Variants in KLHL31 observed in about 807,000 individuals in gnomAD.
The protein encoded by KLHL31 is kelch-like protein 31.
Under a neutral mutation model 47.1 loss-of-function variants are expected in KLHL31, and 32 were observed. The ratio of observed to expected loss-of-function variants is 0.68; its 90% CI spans 0.51 to 0.91. The LOEUF is 0.91. KLHL31 is among the 40% of genes least tolerant of loss of function. The pLI is 0.00. For synonymous variants in KLHL31, 330 were observed against 325.1 expected, an observed-to-expected ratio of 1.01 and a Z score of -0.16; for missense variants, 797 against 819.3, an observed-to-expected ratio of 0.97 and a Z score of 0.33.
rs780082746 is a variant in KLHL31 at position 53,654,253 on chromosome 6, G to A, written c.1020C>T (p.Asp340=). 1 of 1,614,044 alleles carries A rather than the reference G, an allele frequency of 6.2e-7. No individual in the cohort carries two copies. The highest frequency in any genetic ancestry group is 1.3e-5 in the African/African-American group (1 of 74,924). The change falls in exon 2 of 3, where the codon GAC becomes GAT. Residue 340 remains aspartate (D), a synonymous_variant. Coordinates refer to ENST00000370905, the MANE Select transcript of KLHL31 (RefSeq NM_001003760.5). The part of the protein sequence containing the change: ...KSLSRDILYR[D]PENGWSKLTE... ...TAAGCTTGCTCCATCCATTTTCAGG[G>A]TCTCTATACAAGATGTCTCTGCTAA...
chr6:53,651,807 G>C lies in KLHL31; in HGVS notation c.1696C>G (p.Arg566Gly). 1.2e-6 allele frequency: 2 copies of C among 1,612,578 alleles called. No individual in the cohort carries two copies. Among genetic ancestry groups the C allele is most frequent in the Non-Finnish European group, 1.7e-6 (2 of 1,179,910 alleles). The part of the protein sequence containing the change: ...STAGVSALHG[R>G]AYLVGGWNEG... ...TTCCAGCCCCCCACCAGGTAGGCGC[G>C]GCCATGCAGCGCCGAGACGCCCGCA... The change falls in exon 3 of 3, where the codon CGC becomes GGC. Residue 566 changes from arginine to glycine, a missense_variant. Coordinates refer to ENST00000370905, the MANE Select transcript of KLHL31 (RefSeq NM_001003760.5).
In KLHL31 at chr6:53,654,864, A is replaced by C; in HGVS notation, c.409T>G (p.Leu137Val). ...YAYTGKLTLSLYTIGSIISAA... is the reference protein window; with the variant it reads ...YAYTGKLTLSVYTIGSIISAA... ...GAAATAATGCTTCCTATTGTATACA[A>C]GGAGAGAGTGAGCTTTCCAGTGTAG... The change falls in exon 2 of 3, where the codon TTG becomes GTG. Residue 137 changes from leucine (L) to valine (V), a missense_variant. Physicochemically the swap from Leu to Val is conservative, Grantham distance 32. Transcript: ENST00000370905. The C allele has an allele frequency of 6.2e-7, 1 of 1,614,210 alleles. No homozygotes were observed. The highest frequency in any genetic ancestry group is 8.5e-7 in the Non-Finnish European group (1 of 1,180,014).
intron 1 of KLHL31, among the ~76,000 whole-genome samples, chr6:53,660,109 C>T (rs971573811): frequency 1.3e-5 from 2 of 152,112 alleles, no homozygotes; most frequent in Admixed American, 6.5e-5. Context: ...CTCTTTTTCC[C>T]GGATATGCAT....
At chr6:53,659,789 A>T (rs180972727) in intron 1 of KLHL31, among the ~76,000 whole-genome samples, 1 of 152,326 alleles carries the variant, frequency 6.6e-6, no homozygotes, top group Admixed American at 6.5e-5. Context: ...AGGACTAAGA[A>T]ATCTCCAGGA....
intron 1 of KLHL31, 85 bp downstream of exon 1, chr6:53,665,516 C>T (rs1398897181): frequency 6.6e-6 from 1 of 152,486 alleles, no homozygotes; most frequent in South Asian, 2.1e-4. Context: ...CACAAACACT[C>T]AGCCCACCCT....
rs765240593 is a variant in KLHL31 at position 53,655,282 on chromosome 6, T to C, written c.-10A>G. On this transcript the variant is annotated 5_prime_UTR_variant, in exon 2 of 3. Transcript: ENST00000370905. ...TCTTTTTGGGTGCCATGTTGGCAAA[T>C]ACACTGTTACAGGCAAGAGCTTGCT... 2 of 1,530,802 alleles carry C rather than the reference T, an allele frequency of 1.3e-6. No individual in the cohort carries two copies. Among genetic ancestry groups the C allele is most frequent in the East Asian group, 2.3e-5 (1 of 44,188 alleles). The allele number at this position is 1,530,802 out of a possible 1,614,324, so 94.8% of individuals were successfully genotyped here.
chr6:53,660,936 G>C (rs1286895397), intron 1 of KLHL31, among the ~76,000 whole-genome samples: 2 of 152,096 alleles, frequency 1.3e-5, no homozygotes, highest in African/African-American at 4.8e-5. Flanking sequence ...TCTCATTGCC[G>C]GGTCTGCAAC....
chr6:53,657,345 C>G (rs1764576874), intron 1 of KLHL31, among the ~76,000 whole-genome samples: 1 of 152,172 alleles, frequency 6.6e-6, no homozygotes, highest in African/African-American at 2.4e-5. Flanking sequence ...TCAATCAGCT[C>G]TTGTGAGCCA....
At chr6:53,665,232 C>A (rs1764702256) in intron 1 of KLHL31, among the ~76,000 whole-genome samples, 1 of 152,076 alleles carries the variant, frequency 6.6e-6, no homozygotes, top group Non-Finnish European at 1.5e-5. Flanking sequence ...ACTTTGTGAA[C>A]AAAGCCTAAG....
At chr6:53,653,548 T>C (rs1764507191) in intron 2 of KLHL31, among the ~76,000 whole-genome samples, 1 of 152,260 alleles carries the variant, frequency 6.6e-6, no homozygotes, top group Admixed American at 6.5e-5. Flanking sequence ...TCTGTATGTA[T>C]CAAAAATACT....
At position 53,651,044 on chromosome 6, in the gene KLHL31, C is replaced by G. The variant is rs567645489; in HGVS notation, c.*554G>C. 6.6e-6 allele frequency: 1 copy of G among 152,250 alleles called. No homozygotes were observed. Among genetic ancestry groups the G allele is most frequent in the East Asian group, 1.9e-4 (1 of 5,188 alleles). The allele number at this position is 152,250 out of a possible 1,614,324, so 9.4% of individuals were successfully genotyped here. ...TATTACGTTGTCATGGGATATCTTT[C>G]AAAATCCTTTACTCAATCACATATG... On this transcript the variant is annotated 3_prime_UTR_variant, in exon 3 of 3. Transcript: ENST00000370905.
Position 53,654,110 on chromosome 6 carries a change from T to C in KLHL31, c.1163A>G (p.Asn388Ser), listed in dbSNP as rs548418407. ...ARNQAKHAVS[N>S]FCRYDPRFNT... ...ATAAAAGATCAAGTACCTGCAGAAA[T>C]TGCTGACTGCATGCTTGGCTTGATT... is the stretch of plus-strand genomic sequence containing the variant. The change falls in exon 2 of 3, where the codon AAT becomes AGT. Residue 388 changes from asparagine to serine, a missense_variant. Physicochemically the swap from Asn to Ser is conservative, Grantham distance 46 (BLOSUM62 1). Transcript: ENST00000370905. 16 of 1,599,736 alleles carry C rather than the reference T, an allele frequency of 1.0e-5. No individual in the cohort carries two copies. In the South Asian group the frequency reaches 1.8e-4, roughly 18 times the overall value.
chr6:53,652,193 T>G lies in KLHL31; in HGVS notation c.1310A>C (p.Glu437Ala), dbSNP rs1764484878. 1 of 1,611,822 alleles carries G rather than the reference T, an allele frequency of 6.2e-7. No individual in the cohort carries two copies. Among genetic ancestry groups the G allele is most frequent in the Non-Finnish European group, 8.5e-7 (1 of 1,179,974 alleles). ...CTGATTGGTGGAGGGCACGTAGCAC[T>G]CCAGCGAGGCCAGGCTTCCTTCTGC... ...RNAEGSLASL[E>A]CYVPSTNQWQ... The change falls in exon 3 of 3, where the codon GAG becomes GCG. Residue 437 changes from glutamate to alanine, a missense_variant. Coordinates refer to ENST00000370905, the MANE Select transcript of KLHL31 (RefSeq NM_001003760.5).
chr6:53,661,129 A>G (rs967615275), intron 1 of KLHL31, among the ~76,000 whole-genome samples: 13 of 152,194 alleles, frequency 8.5e-5, no homozygotes, highest in African/African-American at 3.1e-4. Context: ...CCTATGTCCT[A>G]ATAAATGCTC....
At chr6:53,656,265 T>C (rs915558717) in intron 1 of KLHL31, among the ~76,000 whole-genome samples, 1 of 152,232 alleles carries the variant, frequency 6.6e-6, no homozygotes, top group African/African-American at 2.4e-5. Context: ...AAGATATTTT[T>C]TCTTTTTGGA....
In KLHL31 at chr6:53,654,280, G is replaced by A. The variant is rs138040011; in HGVS notation, c.993C>T (p.Ser331=). The change falls in exon 2 of 3, where the codon TCC becomes TCT. Residue 331 remains serine (S), a synonymous_variant. Transcript: ENST00000370905. ...CTCTATACAAGATGTCTCTGCTAAG[G>A]GACTTCTCAGTAAGGCCTGGGCGTC... ...VGGRPGLTEK[S]LSRDILYRDP... 6.2e-6 allele frequency: 10 copies of A among 1,614,058 alleles called. No homozygotes were observed. In the South Asian group the frequency reaches 9.9e-5, roughly 16 times the overall value.
chr6:53,651,440 A>C lies in KLHL31; in HGVS notation c.*158T>G. 2 of 339,932 alleles carry C rather than the reference A, an allele frequency of 5.9e-6. No individual in the cohort carries two copies. Among genetic ancestry groups the C allele is most frequent in the African/African-American group, 2.2e-5 (1 of 46,392 alleles). 21.1% of individuals were successfully genotyped at this position (339,932 alleles called of 1,614,324 possible). A position where few individuals can be genotyped will look rare whatever the true frequency, so the allele number is the denominator to read the frequency against. On this transcript the variant is annotated 3_prime_UTR_variant, in exon 3 of 3. Coordinates refer to ENST00000370905, the MANE Select transcript of KLHL31 (RefSeq NM_001003760.5). Reference sequence around the variant, plus strand: ...AAAAAGAGGTAGATTATGCCATACCAGGAATTTAAAGCCATCAGGACATGT... The same window carrying C: ...AAAAAGAGGTAGATTATGCCATACCCGGAATTTAAAGCCATCAGGACATGT...
intron 1 of KLHL31, among the ~76,000 whole-genome samples, chr6:53,665,167 T>C (rs1764701320): frequency 6.6e-6 from 1 of 152,034 alleles, no homozygotes; most frequent in Admixed American, 6.6e-5. Flanking sequence ...TCATCCAAAC[T>C]GATCAGTAAC....
Position 53,651,413 on chromosome 6 carries a change from A to AAAAAAAAAAAAAAAT in KLHL31, c.*184_*185insATTTTTTTTTTTTTT. On this transcript the variant is annotated 3_prime_UTR_variant, in exon 3 of 3. Coordinates refer to ENST00000370905, the MANE Select transcript of KLHL31 (RefSeq NM_001003760.5). ...CTGTATTTTGCTAAAAAAAAAAAAA[A>AAAAAAAAAAAAAAAT]AAAAAAGAGGTAGATTATGCCATAC... The AAAAAAAAAAAAAAAT allele has an allele frequency of 3.3e-6, 1 of 302,926 alleles. No individual in the cohort carries two copies. The highest frequency in any genetic ancestry group is 6.0e-6 in the Non-Finnish European group (1 of 166,018). 18.8% of individuals were successfully genotyped at this position (302,926 alleles called of 1,614,324 possible). A position where few individuals can be genotyped will look rare whatever the true frequency, so the allele number is the denominator to read the frequency against.
Sources: gnomAD v4.1 joint callset for allele counts (sites outside exome capture counted in the v4.1 genomes callset) on GRCh38, gnomAD v4.1.1 for gene constraint, MANE v1.5 for transcripts, NCBI Gene and HGNC (gene_info 2026-07-23, HGNC 2026-07-21) for gene names.